Variants in PTPRT observed in about 807,000 individuals in gnomAD.
PTPRT encodes receptor-type tyrosine-protein phosphatase T.
PTPRT carries 56 observed loss-of-function variants against 176.8 expected under a neutral mutation model. The observed-to-expected ratio is 0.32, with a 90% CI of 0.26 to 0.40. PTPRT has a LOEUF of 0.40. PTPRT is among the 10% of genes least tolerant of loss of function. PTPRT has a pLI of 1.00. For missense variants in PTPRT, 1,540 were observed against 1,908.2 expected, an observed-to-expected ratio of 0.81 and a Z score of 3.60; for synonymous variants, 783 against 739.0, an observed-to-expected ratio of 1.06 and a Z score of -0.96.
At chr20:42,569,437 A>G (rs894268299) in intron 7 of PTPRT, among the ~76,000 whole-genome samples, 6 of 152,158 alleles carry the variant, frequency 3.9e-5, no homozygotes, top group African/African-American at 1.4e-4. Context: ...GCATGAAATG[A>G]TAAAAGTCAT....
chr20:42,343,987 C>A (rs1350425420), intron 11 of PTPRT, among the ~76,000 whole-genome samples: 6 of 152,252 alleles, frequency 3.9e-5, no homozygotes, highest in Admixed American at 3.9e-4. Flanking sequence ...GCAACCTCTG[C>A]CTACTGGGTT....
At chr20:42,100,610 G>A (rs887408853) in intron 26 of PTPRT, among the ~76,000 whole-genome samples, 2 of 152,164 alleles carry the variant, frequency 1.3e-5, no homozygotes, top group Non-Finnish European at 2.9e-5. Flanking sequence ...ATCTTTGCCT[G>A]GATGAGGAAG....
chr20:42,915,369 C>T (rs1366033839), intron 1 of PTPRT, among the ~76,000 whole-genome samples: 1 of 152,220 alleles, frequency 6.6e-6, no homozygotes, highest in Non-Finnish European at 1.5e-5. Context: ...CTGACAGTAG[C>T]TGGCCCCCAG....
In PTPRT at chr20:42,093,239, T is replaced by C. The variant is rs143619599; in HGVS notation, c.3846+5182A>G. ...GACCACAAAGAGGGAAAAGATCTTG[T>C]CAATGCTGTTGGATGTGGTTGAAAA... On this transcript the variant is annotated intron_variant, in intron 27 of 30. Transcript: ENST00000373187. 4.6e-5 allele frequency among the ~76,000 whole-genome samples: 7 copies of C among 152,308 alleles called. No individual in the cohort carries two copies. In the East Asian group the frequency reaches 1.2e-3, roughly 25 times the overall value.
At chr20:43,046,872 G>A (rs967796957) in intron 1 of PTPRT, among the ~76,000 whole-genome samples, 5 of 152,188 alleles carry the variant, frequency 3.3e-5, no homozygotes, top group African/African-American at 1.2e-4. Flanking sequence ...TGTTAGCAAA[G>A]TCAGAGAACT....
intron 9 of PTPRT, among the ~76,000 whole-genome samples, chr20:42,388,939 T>G (rs1414739907): frequency 2.6e-5 from 4 of 152,188 alleles, no homozygotes; most frequent in African/African-American, 9.7e-5. Flanking sequence ...TGGAATACTA[T>G]GCAGCCATAA....
At chr20:43,100,321 G>A (rs2012344908) in intron 1 of PTPRT, among the ~76,000 whole-genome samples, 1 of 152,166 alleles carries the variant, frequency 6.6e-6, no homozygotes, top group East Asian at 1.9e-4. Flanking sequence ...GGGTTGCAGT[G>A]AGCTAAGATC....
intron 7 of PTPRT, among the ~76,000 whole-genome samples, chr20:42,566,512 T>A (rs2073042682): frequency 6.6e-6 from 1 of 152,132 alleles, no homozygotes; most frequent in African/African-American, 2.4e-5. Context: ...TTTTCACCAA[T>A]GAAATGGGAA....
chr20:42,284,739 CT>C (rs1366673781), intron 12 of PTPRT, among the ~76,000 whole-genome samples: 1 of 151,864 alleles, frequency 6.6e-6, no homozygotes, highest in Non-Finnish European at 1.5e-5. Context: ...GTTGACATGA[CT>C]TGTTCTTCGG....
intron 7 of PTPRT, among the ~76,000 whole-genome samples, chr20:42,666,025 T>C (rs2075310533): frequency 6.6e-6 from 1 of 151,786 alleles, no homozygotes; most frequent in Non-Finnish European, 1.5e-5. Flanking sequence ...CACACCAACA[T>C]GGCACATGTA....
chr20:42,070,188 G>A (rs1302986943), downstream of PTPRT, among the ~76,000 whole-genome samples: 1 of 151,916 alleles, frequency 6.6e-6, no homozygotes, highest in East Asian at 1.9e-4. Context: ...CCTTCTGCAT[G>A]GTATGTTGTT....
At chr20:42,536,182 C>G (rs1216321334) in intron 7 of PTPRT, among the ~76,000 whole-genome samples, 1 of 152,132 alleles carries the variant, frequency 6.6e-6, no homozygotes, top group Non-Finnish European at 1.5e-5. Flanking sequence ...TCATAAGCAA[C>G]AGCTTCCCAT....
At chr20:42,839,143 T>C (rs1487520358) in intron 2 of PTPRT, among the ~76,000 whole-genome samples, 2 of 152,106 alleles carry the variant, frequency 1.3e-5, no homozygotes, top group African/African-American at 4.8e-5. Flanking sequence ...TAGGCTCTTC[T>C]TGCATACCTC....
intron 1 of PTPRT, among the ~76,000 whole-genome samples, chr20:42,935,315 T>C (rs1980120038): frequency 6.6e-6 from 1 of 151,856 alleles, no homozygotes; most frequent in Non-Finnish European, 1.5e-5. Flanking sequence ...AATTTCTAAA[T>C]TTTTTGTAAA....
chr20:42,346,403 C>G (rs1256443827), intron 11 of PTPRT, among the ~76,000 whole-genome samples: 1 of 152,126 alleles, frequency 6.6e-6, no homozygotes, highest in Non-Finnish European at 1.5e-5. Flanking sequence ...GAAGAAGGCT[C>G]GGCATGTTCA....
chr20:42,716,033 G>T (rs1318528604), intron 6 of PTPRT, among the ~76,000 whole-genome samples: 1 of 152,130 alleles, frequency 6.6e-6, no homozygotes, highest in African/African-American at 2.4e-5. Context: ...TACTTGTGCA[G>T]TGGGACTTGC....
chr20:42,191,971 C>T (rs959219868), intron 16 of PTPRT, among the ~76,000 whole-genome samples: 5 of 151,762 alleles, frequency 3.3e-5, no homozygotes, highest in African/African-American at 1.2e-4. Context: ...TACTGATCAA[C>T]AACAATGAGG....
chr20:42,094,818 A>G (rs1985028587), intron 27 of PTPRT, among the ~76,000 whole-genome samples: 1 of 152,130 alleles, frequency 6.6e-6, no homozygotes, highest in African/African-American at 2.4e-5. Context: ...TGAACCCAGG[A>G]GGCGGCAGAG....
chr20:42,180,700 A>C (rs2146586886), intron 16 of PTPRT, among the ~76,000 whole-genome samples: 1 of 152,236 alleles, frequency 6.6e-6, no homozygotes, highest in East Asian at 1.9e-4. Context: ...AGCTTGTTAC[A>C]CTCTAACCTC....
Sources: gnomAD v4.1 joint callset for allele counts (sites outside exome capture counted in the v4.1 genomes callset) on GRCh38, gnomAD v4.1.1 for gene constraint, MANE v1.5 for transcripts, NCBI Gene and HGNC (gene_info 2026-07-23, HGNC 2026-07-21) for gene names.